Variants in UTP23 observed in about 807,000 individuals in gnomAD.
The protein encoded by UTP23 is UTP23 small subunit processome component.
In UTP23, 10 loss-of-function variants were observed where a neutral mutation model predicts 19.8. That is an observed-to-expected ratio of 0.50 (90% CI 0.31 to 0.86). The LOEUF (loss-of-function observed/expected upper bound fraction) is 0.86, where lower values mean the gene tolerates loss of function less well. UTP23 is among the 40% of genes least tolerant of loss of function. UTP23 has a pLI of 0.05. For missense variants in UTP23, 282 were observed against 293.1 expected (o/e 0.96, Z 0.28); for synonymous variants, 108 against 105.4 (o/e 1.02, Z -0.15).
chr8:116,771,324 T>G, intron 2 of UTP23, 132 bp from the exon 3 acceptor site: 1 of 726,970 alleles, frequency 1.4e-6, no homozygotes, highest in Non-Finnish European at 2.0e-6. Flanking sequence ...ATTACTCAAA[T>G]GAATAAGTGA....
At position 116,773,908 on chromosome 8, in the gene UTP23, CAT is replaced by C. The variant is rs1226118071; in HGVS notation, c.*2069_*2070del. ...TTAAAAGATATTTTAACAAAAGTCT[CAT>C]ATCCTTGTACTTCAGTTTTTTTGTG... On this transcript the variant is annotated 3_prime_UTR_variant, in exon 3 of 3. Transcript: ENST00000309822. 6.7e-5 allele frequency: 65 copies of C among 972,450 alleles called. 2 individuals carry two copies. In the South Asian group the frequency reaches 2.6e-3, roughly 38 times the overall value. 60.2% of individuals were successfully genotyped at this position (972,450 alleles called of 1,614,324 possible).
At chr8:116,767,387 G>A (rs1317907438) in intron 1 of UTP23, among the ~76,000 whole-genome samples, 1 of 152,168 alleles carries the variant, frequency 6.6e-6, no homozygotes, top group East Asian at 1.9e-4. Flanking sequence ...GCTTTATTAA[G>A]TACCTCCTAT....
chr8:116,770,096 G>T, intron 1 of UTP23, 96 bp from the exon 2 acceptor site: 1 of 1,209,636 alleles, frequency 8.3e-7, no homozygotes, highest in Non-Finnish European at 1.1e-6. Flanking sequence ...AATTTAGATT[G>T]TAACAGCATA....
At chr8:116,767,064 C>T in intron 1 of UTP23, 1 of 400,378 alleles carries the variant, frequency 2.5e-6, no homozygotes, top group Non-Finnish European at 4.5e-6. Flanking sequence ...GATCCCAGTT[C>T]TACCAGCTCT....
chr8:116,774,230 A>G lies in UTP23; in HGVS notation c.*2388A>G. ...TAAAAATAAGTGTTTGCAGTTGTGT[A>G]TGGGCACGATACTGTATTCTTTACA... On this transcript the variant is annotated 3_prime_UTR_variant, in exon 3 of 3. Coordinates refer to ENST00000309822, the MANE Select transcript of UTP23 (RefSeq NM_032334.3). 4 of 985,408 alleles carry G rather than the reference A, an allele frequency of 4.1e-6. No homozygotes were observed. The highest frequency in any genetic ancestry group is 4.8e-6 in the Non-Finnish European group (4 of 829,934). 61.0% of individuals were successfully genotyped at this position (985,408 alleles called of 1,614,324 possible).
Position 116,771,609 on chromosome 8 carries a change from G to C in UTP23, c.517G>C (p.Glu173Gln), listed in dbSNP as rs1198751523. The C allele has an allele frequency of 6.2e-7, 1 of 1,611,874 alleles. No individual in the cohort carries two copies. Among genetic ancestry groups the C allele is most frequent in the Non-Finnish European group, 8.5e-7 (1 of 1,179,544 alleles). The change falls in exon 3 of 3, where the codon GAA becomes CAA. Residue 173 changes from glutamate to glutamine, a missense_variant. Coordinates refer to ENST00000309822, the MANE Select transcript of UTP23 (RefSeq NM_032334.3). ...SGQLVSVHEKESIKHLKEEQG... is the reference protein window; with the variant it reads ...SGQLVSVHEKQSIKHLKEEQG... The stretch of plus-strand genomic sequence containing the variant: ...TCAGCTTGTCTCAGTGCATGAGAAA[G>C]AAAGTATCAAACATCTCAAAGAGGA...
intron 1 of UTP23, among the ~76,000 whole-genome samples, chr8:116,767,084 G>A (rs1340307641): frequency 6.6e-6 from 1 of 152,216 alleles, no homozygotes; most frequent in Non-Finnish European, 1.5e-5. Context: ...TGTGATTTCT[G>A]TCAAGTTATT....
chr8:116,766,813 G>C, intron 1 of UTP23, 22 bp downstream of exon 1: 1 of 1,509,096 alleles, frequency 6.6e-7, no homozygotes, highest in Non-Finnish European at 8.9e-7. Context: ...GGGCTGGGGA[G>C]GAGGCACAGA....
rs753101349 is a variant in UTP23, at chr8:116,771,764, G to GAAAAGA, written c.686_691dup (p.Lys229_Arg230dup). 9.3e-6 allele frequency: 15 copies of GAAAAGA among 1,607,400 alleles called. No homozygotes were observed. Among genetic ancestry groups the GAAAAGA allele is most frequent in the Admixed American group, 1.7e-5 (1 of 58,434 alleles). On this transcript the variant is annotated inframe_insertion, in exon 3 of 3. Coordinates refer to ENST00000309822, the MANE Select transcript of UTP23 (RefSeq NM_032334.3). Reference sequence around the variant, plus strand: ...ACACACAATCATCTGCTTCTGAAAAGAAAAGAAAAAGAAAAAGAATTCGGA... The same window carrying GAAAAGA: ...ACACACAATCATCTGCTTCTGAAAAGAAAAGAAAAAGAAAAAGAAAAAGAATTCGGA...
Position 116,766,542 on chromosome 8 carries a change from G to A in UTP23, c.-62G>A, listed in dbSNP as rs968492543. On this transcript the variant is annotated 5_prime_UTR_variant, in exon 1 of 3. Coordinates refer to ENST00000309822, the MANE Select transcript of UTP23 (RefSeq NM_032334.3). ...TGAAACTGGCATTGAGGGTACTGGGGCGTGCGTGAGGCGTTTACTGATGCT... is the reference window on the plus strand; with the variant it reads ...TGAAACTGGCATTGAGGGTACTGGGACGTGCGTGAGGCGTTTACTGATGCT... 6.4e-7 allele frequency: 1 copy of A among 1,551,482 alleles called. No individual in the cohort carries two copies. The highest frequency in any genetic ancestry group is 8.7e-7 in the Non-Finnish European group (1 of 1,145,590).
Position 116,771,887 on chromosome 8 carries a change from T to G in UTP23, c.*45T>G. 6.7e-7 allele frequency: 1 copy of G among 1,496,776 alleles called. No individual in the cohort carries two copies. Among genetic ancestry groups the G allele is most frequent in the Non-Finnish European group, 8.8e-7 (1 of 1,131,058 alleles). The allele number at this position is 1,496,776 out of a possible 1,614,324, so 92.7% of individuals were successfully genotyped here. ...GGACATTCAAATGTGAAAATGAATT[T>G]TTTACAACTAGAAGTATTTATAATA... On this transcript the variant is annotated 3_prime_UTR_variant, in exon 3 of 3. Coordinates refer to ENST00000309822, the MANE Select transcript of UTP23 (RefSeq NM_032334.3).
At position 116,773,043 on chromosome 8, in the gene UTP23, T is replaced by C. The variant is rs1386592434; in HGVS notation, c.*1201T>C. ...GTGAGACAGTTCACATTTATTCCCA[T>C]AGAAATGTCATTCTCATTTGAATTC... On this transcript the variant is annotated 3_prime_UTR_variant, in exon 3 of 3. Coordinates refer to ENST00000309822, the MANE Select transcript of UTP23 (RefSeq NM_032334.3). 1.0e-6 allele frequency: 1 copy of C among 973,484 alleles called. No individual in the cohort carries two copies. The highest frequency in any genetic ancestry group is 1.2e-6 in the Non-Finnish European group (1 of 825,982). 60.3% of individuals were successfully genotyped at this position (973,484 alleles called of 1,614,324 possible).
In UTP23 at chr8:116,772,478, ATTAT is replaced by A; in HGVS notation, c.*642_*645del. 1.0e-6 allele frequency: 1 copy of A among 968,062 alleles called. No homozygotes were observed. The highest frequency in any genetic ancestry group is 1.2e-6 in the Non-Finnish European group (1 of 814,208). The allele number at this position is 968,062 out of a possible 1,614,324, so 60.0% of individuals were successfully genotyped here. A position where few individuals can be genotyped will look rare whatever the true frequency, so the allele number is the denominator to read the frequency against. ...TATACCGCTACTTTTTGATACATCA[ATTAT>A]TTATTGACTTCCTACTAGAAAGAGT... On this transcript the variant is annotated 3_prime_UTR_variant, in exon 3 of 3. Coordinates refer to ENST00000309822, the MANE Select transcript of UTP23 (RefSeq NM_032334.3).
At position 116,768,868 on chromosome 8, in the gene UTP23, G is replaced by A. The variant is rs377060980; in HGVS notation, c.189-1324G>A. Among the ~76,000 whole-genome samples, 3 of 152,106 alleles carry A rather than the reference G, an allele frequency of 2.0e-5. No individual in the cohort carries two copies. In the South Asian group the frequency reaches 6.2e-4, roughly 31 times the overall value. On this transcript the variant is annotated intron_variant, in intron 1 of 2. Transcript: ENST00000309822. ...TTTAGCAGAGACAATGTTTCACCAC[G>A]TTGACCAGGCTCGTCTTGAACTCCT...
At chr8:116,771,408 T>G in intron 2 of UTP23, 48 bp from the exon 3 acceptor site, 1 of 1,353,302 alleles carries the variant, frequency 7.4e-7, no homozygotes, top group East Asian at 2.6e-5. Context: ...CTATTTAAGG[T>G]ACCTTAATTG....
Position 116,773,168 on chromosome 8 carries a change from C to T in UTP23, c.*1326C>T. The T allele has an allele frequency of 1.0e-6, 1 of 985,376 alleles. No individual in the cohort carries two copies. Among genetic ancestry groups the T allele is most frequent in the Non-Finnish European group, 1.2e-6 (1 of 829,918 alleles). The allele number at this position is 985,376 out of a possible 1,614,324, so 61.0% of individuals were successfully genotyped here. On this transcript the variant is annotated 3_prime_UTR_variant, in exon 3 of 3. Coordinates refer to ENST00000309822, the MANE Select transcript of UTP23 (RefSeq NM_032334.3). ...CAAGGTAGTGTTTGGATTGCAATGT[C>T]ATGATTCTATTTTAAATTCTTGATG...
At chr8:116,769,163 G>C (rs1446874979) in intron 1 of UTP23, among the ~76,000 whole-genome samples, 1 of 152,124 alleles carries the variant, frequency 6.6e-6, no homozygotes, top group Non-Finnish European at 1.5e-5. Context: ...ATCAGGCCTG[G>C]GTTTTATTTT....
Position 116,774,214 on chromosome 8 carries a change from G to A in UTP23, c.*2372G>A, listed in dbSNP as rs1026707903. 9 of 985,236 alleles carry A rather than the reference G, an allele frequency of 9.1e-6. No homozygotes were observed. The South Asian group carries it at 2.8e-4, about 31-fold the overall frequency. The allele number at this position is 985,236 out of a possible 1,614,324, so 61.0% of individuals were successfully genotyped here. ...ATCTTTTACGAACACTTAAAAATAA[G>A]TGTTTGCAGTTGTGTATGGGCACGA... is the stretch of plus-strand genomic sequence containing the variant. On this transcript the variant is annotated 3_prime_UTR_variant, in exon 3 of 3. Transcript: ENST00000309822.
At position 116,773,601 on chromosome 8, in the gene UTP23, A is replaced by G. The variant is rs1250991955; in HGVS notation, c.*1759A>G. On this transcript the variant is annotated 3_prime_UTR_variant, in exon 3 of 3. Transcript: ENST00000309822. ...CCGAGGCTGGCAGATCACAAAATTA[A>G]GAGATCAAGACCATCCTGGCCAACA... 1.3e-5 allele frequency: 8 copies of G among 599,408 alleles called. No individual in the cohort carries two copies. Among genetic ancestry groups the G allele is most frequent in the Non-Finnish European group, 1.7e-5 (8 of 477,812 alleles). The allele number at this position is 599,408 out of a possible 1,614,324, so 37.1% of individuals were successfully genotyped here. A position where few individuals can be genotyped will look rare whatever the true frequency, so the allele number is the denominator to read the frequency against.
Sources: gnomAD v4.1 joint callset for allele counts (sites outside exome capture counted in the v4.1 genomes callset) on GRCh38, gnomAD v4.1.1 for gene constraint, MANE v1.5 for transcripts, NCBI Gene and HGNC (gene_info 2026-07-23, HGNC 2026-07-21) for gene names.